The following FHOD3 variants were observed in gnomAD, a reference collection of about 807,000 sequenced individuals.
The protein encoded by FHOD3 is FH1/FH2 domain-containing protein 3.
Under a neutral mutation model 173.0 loss-of-function variants are expected in FHOD3, and 90 were observed. The observed-to-expected ratio is 0.52, with a 90% CI of 0.44 to 0.62. The LOEUF is 0.62. Ranked by LOEUF, FHOD3 falls within the 20% of genes least tolerant of loss-of-function variation. The pLI is 0.00. For missense variants in FHOD3, 1,945 were observed against 2,034.7 expected, an observed-to-expected ratio of 0.96 and a Z score of 0.85; for synonymous variants, 828 against 823.0, an observed-to-expected ratio of 1.01 and a Z score of -0.10.
intron 3 of FHOD3, among the ~76,000 whole-genome samples, chr18:36,487,642 A>C (rs1485953086): frequency 1.3e-5 from 2 of 152,246 alleles, no homozygotes; most frequent in Non-Finnish European, 2.9e-5. Context: ...CTGCAATTGA[A>C]GTCTGGCAGA....
intron 3 of FHOD3, among the ~76,000 whole-genome samples, chr18:36,388,295 A>C (rs1237461002): frequency 6.6e-6 from 1 of 152,156 alleles, no homozygotes; most frequent in Non-Finnish European, 1.5e-5. Flanking sequence ...GGGAGCCCCC[A>C]CTGGTCTCCC....
intron 20 of FHOD3, among the ~76,000 whole-genome samples, chr18:36,732,667 G>A (rs9959464): frequency 0.015 from 2,333 of 152,326 alleles, 50 homozygotes; most frequent in African/African-American, 0.053. Context: ...ACATGAAGGA[G>A]TGAGTGGGCG....
chr18:36,571,676 C>A (rs138986125), intron 5 of FHOD3, among the ~76,000 whole-genome samples: 2 of 152,204 alleles, frequency 1.3e-5, no homozygotes, highest in Non-Finnish European at 2.9e-5. Context: ...TTGGACAGAC[C>A]AATGGGACAG....
At chr18:36,570,596 A>C (rs1032227820) in intron 5 of FHOD3, among the ~76,000 whole-genome samples, 4 of 152,156 alleles carry the variant, frequency 2.6e-5, no homozygotes, top group African/African-American at 9.6e-5. Flanking sequence ...TACACTGAAC[A>C]ATATTTATTA....
intron 24 of FHOD3, 79 bp downstream of exon 24, chr18:36,747,214 G>T (rs1332520112): frequency 2.5e-6 from 3 of 1,187,378 alleles, no homozygotes; most frequent in African/African-American, 1.6e-5. Flanking sequence ...AAGAGCCGAT[G>T]GTTAAATTTA....
At chr18:36,658,399 G>A (rs186154660) in intron 14 of FHOD3, among the ~76,000 whole-genome samples, 44 of 152,142 alleles carry the variant, frequency 2.9e-4, no homozygotes, top group African/African-American at 6.7e-4. Context: ...TAATATTAGC[G>A]TCTCATCCCC....
intron 14 of FHOD3, among the ~76,000 whole-genome samples, chr18:36,672,386 C>T (rs767718287): frequency 2.0e-5 from 3 of 152,106 alleles, no homozygotes; most frequent in Non-Finnish European, 4.4e-5. Flanking sequence ...TGGTCTGAGC[C>T]GGGTTAACTT....
intron 3 of FHOD3, among the ~76,000 whole-genome samples, chr18:36,482,046 TA>T (rs1017576763): frequency 5.3e-5 from 8 of 151,334 alleles, no homozygotes; most frequent in Non-Finnish European, 8.8e-5. Flanking sequence ...TCTCAAATTA[TA>T]AAAAAAAGAA....
intron 1 of FHOD3, among the ~76,000 whole-genome samples, chr18:36,318,045 G>A (rs1169882499): frequency 3.3e-5 from 5 of 152,214 alleles, no homozygotes; most frequent in Admixed American, 3.3e-4. Context: ...GATGTGTGGT[G>A]TTATTTCTGA....
At chr18:36,649,285 G>A in intron 10 of FHOD3, 31 bp from the exon 11 acceptor site, 1 of 1,508,086 alleles carries the variant, frequency 6.6e-7, no homozygotes, top group Non-Finnish European at 8.9e-7. Context: ...TGTTGTCTGT[G>A]TGCATTTCTC....
chr18:36,655,451 A>G (rs774297819), intron 13 of FHOD3, among the ~76,000 whole-genome samples: 3 of 152,106 alleles, frequency 2.0e-5, no homozygotes, highest in Non-Finnish European at 4.4e-5. Flanking sequence ...ATAGAAACAC[A>G]TAAGCTGTCC....
At chr18:36,609,802 G>T (rs532282804) in intron 8 of FHOD3, among the ~76,000 whole-genome samples, 85 of 152,084 alleles carry the variant, frequency 5.6e-4, no homozygotes, top group Admixed American at 2.0e-3. Context: ...GTAGAGACTG[G>T]GTTTCGCCAT....
chr18:36,652,948 A>G lies in FHOD3; in HGVS notation c.1646+19A>G, dbSNP rs2036165747. 1 of 1,518,610 alleles carries G rather than the reference A, an allele frequency of 6.6e-7. No individual in the cohort carries two copies. Among genetic ancestry groups the G allele is most frequent in the Non-Finnish European group, 8.8e-7 (1 of 1,135,594 alleles). 94.1% of individuals were successfully genotyped at this position (1,518,610 alleles called of 1,614,324 possible). A position where few individuals can be genotyped will look rare whatever the true frequency, so the allele number is the denominator to read the frequency against. ...AAAACAGGTAGATTTGCTCACCTGGAGGCTTGTTTGAGATTAACTCGGGGA... is the reference window on the plus strand; with the variant it reads ...AAAACAGGTAGATTTGCTCACCTGGGGGCTTGTTTGAGATTAACTCGGGGA... On this transcript the variant is annotated intron_variant, in intron 12 of 28. Transcript: ENST00000590592.
intron 1 of FHOD3, among the ~76,000 whole-genome samples, chr18:36,328,887 G>T (rs1425433159): frequency 6.6e-6 from 1 of 152,184 alleles, no homozygotes; most frequent in Non-Finnish European, 1.5e-5. Flanking sequence ...TGTGTTTAAG[G>T]TGGGGCTGTC....
At chr18:36,715,664 C>G (rs8097541) in intron 18 of FHOD3, among the ~76,000 whole-genome samples, 33,161 of 152,062 alleles carry the variant, frequency 0.22, 4,311 homozygotes, top group African/African-American at 0.36. Context: ...TAATTATAAT[C>G]ATTTCAGTGA....
Position 36,740,835 on chromosome 18 carries a change from A to G in FHOD3, c.3756A>G (p.Glu1252=), listed in dbSNP as rs376884179. The change falls in exon 21 of 29, where the codon GAA becomes GAG. Residue 1252 remains glutamate (E), a synonymous_variant. Transcript: ENST00000590592. ...WAFKMDYETT[E]KEVAEPLLDL... ...TCAAAATGGATTATGAAACTACAGA[A>G]AAGGTAAGCTCTCTGTAAGAGAGGC... 6.2e-7 allele frequency: 1 copy of G among 1,608,592 alleles called. No homozygotes were observed. Among genetic ancestry groups the G allele is most frequent in the Non-Finnish European group, 8.5e-7 (1 of 1,178,716 alleles).
At chr18:36,383,780 G>A (rs1201971868) in intron 3 of FHOD3, among the ~76,000 whole-genome samples, 2 of 152,296 alleles carry the variant, frequency 1.3e-5, no homozygotes, top group Non-Finnish European at 2.9e-5. Flanking sequence ...ACTGAGGCAC[G>A]CAGTGGTCTA....
At chr18:36,661,309 T>A (rs2036783464) in intron 14 of FHOD3, among the ~76,000 whole-genome samples, 1 of 152,188 alleles carries the variant, frequency 6.6e-6, no homozygotes, top group South Asian at 2.1e-4. Flanking sequence ...TATGCAAGTA[T>A]TTTTTGCCCA....
intron 27 of FHOD3, among the ~76,000 whole-genome samples, chr18:36,766,530 A>G (rs2043144217): frequency 6.6e-6 from 1 of 152,176 alleles, no homozygotes; most frequent in South Asian, 2.1e-4. Context: ...CCTGATGGCT[A>G]CAGTGTGGGT....
Sources: allele counts gnomAD v4.1 joint callset (sites outside exome capture counted in the v4.1 genomes callset), GRCh38; gene constraint gnomAD v4.1.1; transcripts MANE v1.5; gene names NCBI Gene and HGNC (gene_info 2026-07-23, HGNC 2026-07-21).